ZNF181: variants seen among roughly 807,000 people sequenced by gnomAD.
ZNF181 encodes the protein zinc finger protein 181, also known as zinc finger protein 181 (HHZ181).
ZNF181 carries 8 observed loss-of-function variants against 11.9 expected under a neutral mutation model. That is an observed-to-expected ratio of 0.67 (90% confidence interval 0.39 to 1.21). The LOEUF (loss-of-function observed/expected upper bound fraction) is 1.21, where lower values mean the gene tolerates loss of function less well. Ranked by LOEUF, ZNF181 falls within the 50% of genes most tolerant of loss-of-function variation. The pLI is 0.01. For missense variants in ZNF181, 542 were observed against 670.9 expected (o/e 0.81, Z 2.12); for synonymous variants, 202 against 221.1 (o/e 0.91, Z 0.77).
rs368342985 is a variant in ZNF181, at chr19:34,741,115, C to T, written c.734C>T (p.Ala245Val). 1.6e-5 allele frequency: 26 copies of T among 1,613,934 alleles called. No individual in the cohort carries two copies. In the African/African-American group the frequency reaches 3.3e-4, roughly 21 times the overall value. The change falls in exon 4 of 4, where the codon GCC becomes GTC. Residue 245 changes from alanine (A) to valine (V), a missense_variant. Physicochemically the swap from Ala to Val is moderately conservative, Grantham distance 64. Transcript: ENST00000492450. ...KIYTCSECGK[A>V]FGKQSILNRH... ...TATACATGCAGTGAATGTGGGAAAG[C>T]CTTTGGCAAACAGTCAATCCTCAAT...
intron 3 of ZNF181, 100 bp from the exon 4 acceptor site, chr19:34,740,511 C>A: frequency 8.4e-7 from 1 of 1,195,326 alleles, no homozygotes; most frequent in Non-Finnish European, 1.2e-6. Flanking sequence ...TTTCTGGGGG[C>A]TTCATTTCTA....
Position 34,734,856 on chromosome 19 carries a change from T to C in ZNF181, c.-182T>C, listed in dbSNP as rs951921688. ...CACCCTGTTAGTTCCCAGGGAGAGA[T>C]TGGCGCCCTGGAGAGTGATTACCAG... is the stretch of plus-strand genomic sequence containing the variant. On this transcript the variant is annotated 5_prime_UTR_variant, in exon 1 of 4. Coordinates refer to ENST00000492450, the MANE Select transcript of ZNF181 (RefSeq NM_001029997.4). 23 of 592,828 alleles carry C rather than the reference T, an allele frequency of 3.9e-5. No homozygotes were observed. Among genetic ancestry groups the C allele is most frequent in the African/African-American group, 1.3e-4 (7 of 53,430 alleles). 36.7% of individuals were successfully genotyped at this position (592,828 alleles called of 1,614,324 possible).
chr19:34,740,590 T>C, intron 3 of ZNF181, 21 bp from the exon 4 acceptor site: 1 of 1,530,770 alleles, frequency 6.5e-7, no homozygotes, highest in Non-Finnish European at 8.7e-7. Context: ...AACAGTGCTT[T>C]GCTTTTTTGA....
At position 34,741,552 on chromosome 19, in the gene ZNF181, C is replaced by T. The variant is rs200629503; in HGVS notation, c.1171C>T (p.His391Tyr). The change falls in exon 4 of 4, where the codon CAC (histidine) becomes TAC (tyrosine). Residue 391 changes from histidine (H) to tyrosine (Y), a missense_variant. Coordinates refer to ENST00000492450, the MANE Select transcript of ZNF181 (RefSeq NM_001029997.4). ...TGGGAAAGCTTTCTGCTGTAGCTCACACCTTACTCGACATCAAAGAATTCA... is the reference window on the plus strand; with the variant it reads ...TGGGAAAGCTTTCTGCTGTAGCTCATACCTTACTCGACATCAAAGAATTCA... ...ECGKAFCCSS[H>Y]LTRHQRIHTM... 9.2e-5 allele frequency: 148 copies of T among 1,613,780 alleles called. No individual in the cohort carries two copies. The highest frequency in any genetic ancestry group is 1.2e-4 in the Non-Finnish European group (146 of 1,179,960).
chr19:34,741,506 G>A lies in ZNF181; in HGVS notation c.1125G>A (p.Lys375=). 2 of 1,613,738 alleles carry A rather than the reference G, an allele frequency of 1.2e-6. No individual in the cohort carries two copies. The highest frequency in any genetic ancestry group is 1.7e-6 in the Non-Finnish European group (2 of 1,179,894). ...IHHQKIHTGE[K]PYECRECGKA... The stretch of plus-strand genomic sequence containing the variant: ...ATCAGAAAATCCATACTGGAGAGAA[G>A]CCTTATGAATGTAGAGAATGTGGGA... The change falls in exon 4 of 4, where the codon AAG becomes AAA. Residue 375 remains lysine, a synonymous_variant. Coordinates refer to ENST00000492450, the MANE Select transcript of ZNF181 (RefSeq NM_001029997.4).
At position 34,739,055 on chromosome 19, in the gene ZNF181, C is replaced by G; in HGVS notation, c.10-93C>G. 5 of 1,566,076 alleles carry G rather than the reference C, an allele frequency of 3.2e-6. No homozygotes were observed. In the South Asian group the frequency reaches 5.8e-5, roughly 18 times the overall value. On this transcript the variant is annotated intron_variant, in intron 1 of 3. Transcript: ENST00000492450. ...ATTGCCACAACTCCTGAATCTTGTT[C>G]CATTTCTCCCACAACCAGGCTAATT... is the stretch of plus-strand genomic sequence containing the variant.
chr19:34,740,325 T>G (rs1600142871), intron 3 of ZNF181, among the ~76,000 whole-genome samples: 1 of 152,212 alleles, frequency 6.6e-6, no homozygotes, highest in African/African-American at 2.4e-5. Context: ...CCAGAATGCC[T>G]TCCACATTTT....
At position 34,740,606 on chromosome 19, in the gene ZNF181, T is replaced by G; in HGVS notation, c.230-5T>G. ...ACAGTGCTTTGCTTTTTTGATGTATTTCAGATTGGGAATCAAGATGGGAAA... is the reference window on the plus strand; with the variant it reads ...ACAGTGCTTTGCTTTTTTGATGTATGTCAGATTGGGAATCAAGATGGGAAA... On this transcript the variant is annotated splice_polypyrimidine_tract_variant and splice_region_variant and intron_variant, in intron 3 of 3. Transcript: ENST00000492450. 1 of 1,552,628 alleles carries G rather than the reference T, an allele frequency of 6.4e-7. No individual in the cohort carries two copies. The highest frequency in any genetic ancestry group is 8.7e-7 in the Non-Finnish European group (1 of 1,153,948).
chr19:34,745,126 T>G lies in ZNF181; in HGVS notation c.*3029T>G, dbSNP rs527875714. The G allele has an allele frequency of 3.9e-5, 6 of 152,320 alleles. No individual in the cohort carries two copies. In the South Asian group the frequency reaches 1.2e-3, roughly 32 times the overall value. The allele number at this position is 152,320 out of a possible 1,614,324, so 9.4% of individuals were successfully genotyped here. On this transcript the variant is annotated 3_prime_UTR_variant, in exon 4 of 4. Coordinates refer to ENST00000492450, the MANE Select transcript of ZNF181 (RefSeq NM_001029997.4). ...ATGTTATGATGTCACTGACATCATATTATTTCCTCAGTCATACCTATTAAC... is the reference window on the plus strand; with the variant it reads ...ATGTTATGATGTCACTGACATCATAGTATTTCCTCAGTCATACCTATTAAC...
In ZNF181 at chr19:34,741,396, C is replaced by T; in HGVS notation, c.1015C>T (p.His339Tyr). The T allele has an allele frequency of 6.2e-7, 1 of 1,613,858 alleles. No homozygotes were observed. The highest frequency in any genetic ancestry group is 8.5e-7 in the Non-Finnish European group (1 of 1,179,828). ...SFSRVSHLIE[H>Y]LRIHTQEKLY... Reference sequence around the variant, plus strand: ...TAGTCGTGTGTCCCATCTTATTGAACATCTAAGAATTCATACTCAAGAAAA... The same window carrying T: ...TAGTCGTGTGTCCCATCTTATTGAATATCTAAGAATTCATACTCAAGAAAA... The change falls in exon 4 of 4, where the codon CAT becomes TAT. Residue 339 changes from histidine (H) to tyrosine (Y), a missense_variant. Transcript: ENST00000492450.
chr19:34,736,943 G>A (rs1216023892), intron 1 of ZNF181, among the ~76,000 whole-genome samples: 1 of 152,162 alleles, frequency 6.6e-6, no homozygotes, highest in Non-Finnish European at 1.5e-5. Flanking sequence ...ATAAAGCTAT[G>A]AGAAATGTTT....
At chr19:34,739,747 G>A (rs1353641495) in intron 3 of ZNF181, 126 bp downstream of exon 3, 1 of 973,094 alleles carries the variant, frequency 1.0e-6, no homozygotes, top group Non-Finnish European at 1.5e-6. Context: ...AGATAGAAAT[G>A]AAAAATTGTG....
chr19:34,739,650 G>C, intron 3 of ZNF181, 29 bp downstream of exon 3: 5 of 1,612,872 alleles, frequency 3.1e-6, no homozygotes, highest in Non-Finnish European at 3.4e-6. Flanking sequence ...GACAAAGGAA[G>C]ATTTTGTTAA....
chr19:34,735,015 T>G lies in ZNF181; in HGVS notation c.-23T>G, dbSNP rs1417586754. On this transcript the variant is annotated 5_prime_UTR_variant, in exon 1 of 4. Transcript: ENST00000492450. ...TAAGAGCCTGGAAAGAGGACTCTGT[T>G]GGCTGTTGGAAATTGCAGAGTAATG... The G allele has an allele frequency of 1.9e-6, 3 of 1,576,630 alleles. No individual in the cohort carries two copies. Among genetic ancestry groups the G allele is most frequent in the Non-Finnish European group, 2.6e-6 (3 of 1,160,566 alleles).
rs752090363 is a variant in ZNF181, at chr19:34,739,198, G to T, written c.60G>T (p.Trp20Cys). Residue 20 changes from tryptophan (W) to cysteine (C), a missense_variant, in exon 2 of 4, where the codon TGG becomes TGT. Coordinates refer to ENST00000492450, the MANE Select transcript of ZNF181 (RefSeq NM_001029997.4). Reference protein sequence around the residue: ...AIDFTHEEWGWLSSAQRDLYK... With the variant: ...AIDFTHEEWGCLSSAQRDLYK... ...ACTTCACTCATGAAGAGTGGGGATG[G>T]CTCAGTTCTGCTCAGAGGGACTTAT... 6 of 1,613,774 alleles carry T rather than the reference G, an allele frequency of 3.7e-6. No individual in the cohort carries two copies. Among genetic ancestry groups the T allele is most frequent in the Non-Finnish European group, 4.2e-6 (5 of 1,179,722 alleles).
Position 34,741,946 on chromosome 19 carries a change from G to A in ZNF181, c.1565G>A (p.Cys522Tyr), listed in dbSNP as rs2068985958. The A allele has an allele frequency of 1.2e-6, 2 of 1,613,734 alleles. No individual in the cohort carries two copies. Among genetic ancestry groups the A allele is most frequent in the African/African-American group, 1.3e-5 (1 of 74,892 alleles). ...GAAAAGCCATATAAATGTAATGAGT[G>A]TGGGAAAGCTTTTAGCAAAGGCTCA... ...TGEKPYKCNE[C>Y]GKAFSKGSNL... Residue 522 changes from cysteine to tyrosine, a missense_variant, in exon 4 of 4, where the codon TGT (cysteine) becomes TAT (tyrosine). By Grantham distance (194) the Cys-to-Tyr change is radical. Transcript: ENST00000492450.
At position 34,741,009 on chromosome 19, in the gene ZNF181, T is replaced by C. The variant is rs1413497205; in HGVS notation, c.628T>C (p.Leu210=). 2 of 1,614,162 alleles carry C rather than the reference T, an allele frequency of 1.2e-6. No individual in the cohort carries two copies. The highest frequency in any genetic ancestry group is 1.6e-4 in the Middle Eastern group (1 of 6,062). Residue 210 remains leucine, a synonymous_variant, in exon 4 of 4, where the codon TTG becomes CTG. Coordinates refer to ENST00000492450, the MANE Select transcript of ZNF181 (RefSeq NM_001029997.4). ...GAAAGTCAATGGTGGAAAGAAACTT[T>C]TGAATTCTAATAAAAGTGGGGCAGC... ...NEKVNGGKKL[L]NSNKSGAAFS...
Position 34,734,854 on chromosome 19 carries a change from G to A in ZNF181, c.-184G>A, listed in dbSNP as rs1307403074. 3.4e-6 allele frequency: 2 copies of A among 591,502 alleles called. No individual in the cohort carries two copies. Among genetic ancestry groups the A allele is most frequent in the African/African-American group, 3.7e-5 (2 of 53,448 alleles). The allele number at this position is 591,502 out of a possible 1,614,324, so 36.6% of individuals were successfully genotyped here. On this transcript the variant is annotated 5_prime_UTR_variant, in exon 1 of 4. Transcript: ENST00000492450. ...AACACCCTGTTAGTTCCCAGGGAGA[G>A]ATTGGCGCCCTGGAGAGTGATTACC...
chr19:34,736,272 A>G, intron 1 of ZNF181: 1 of 673,660 alleles, frequency 1.5e-6, no homozygotes, highest in Non-Finnish European at 2.7e-6. Context: ...ATTAGAATTG[A>G]AAAACTGGTG....
Sources: gnomAD v4.1 joint callset for allele counts (sites outside exome capture counted in the v4.1 genomes callset) on GRCh38, gnomAD v4.1.1 for gene constraint, MANE v1.5 for transcripts, NCBI Gene and HGNC (gene_info 2026-07-23, HGNC 2026-07-21) for gene names.